DACH1: variants seen among roughly 807,000 people sequenced by gnomAD.
The protein encoded by DACH1 is dachshund homolog 1.
In DACH1, 12 loss-of-function variants were observed where a neutral mutation model predicts 54.2. The observed-to-expected ratio is 0.22, with a 90% CI of 0.14 to 0.36. The LOEUF (loss-of-function observed/expected upper bound fraction) is 0.36. Among genes scored for constraint, DACH1 ranks in the 10% least tolerant of loss-of-function variants. The probability of loss-of-function intolerance (pLI) is 1.00; values close to 1 mark genes in which losing one functional copy is unlikely to be tolerated. For synonymous variants in DACH1, 386 were observed against 366.2 expected (o/e 1.05, Z -0.62); for missense variants, 805 against 929.8 (o/e 0.87, Z 1.75).
chr13:71,766,979 T>A (rs1438950630), intron 1 of DACH1, among the ~76,000 whole-genome samples: 1 of 152,082 alleles, frequency 6.6e-6, no homozygotes, highest in Non-Finnish European at 1.5e-5. Flanking sequence ...GAGGTCTTGT[T>A]TTCCTAGTTA....
At chr13:71,496,306 TACACACACAAAAAGATATGCAAC>T (rs1879428844) in intron 6 of DACH1, among the ~76,000 whole-genome samples, 43 of 46,072 alleles carry the variant, frequency 9.3e-4, no homozygotes, top group East Asian at 2.4e-3. Context: ...TATATATATA[TACACACACAAAAAGATATGCAAC>T]ATATATATAT....
chr13:71,798,909 G>A (rs976044196), intron 1 of DACH1, among the ~76,000 whole-genome samples: 3 of 151,876 alleles, frequency 2.0e-5, no homozygotes, highest in Admixed American at 6.6e-5. Context: ...ATGAAACTTC[G>A]CTCCCCCAGG....
chr13:71,781,390 A>ATTTT (rs1555322402), intron 1 of DACH1, among the ~76,000 whole-genome samples: 2 of 126,060 alleles, frequency 1.6e-5, no homozygotes, highest in African/African-American at 5.9e-5. Context: ...TTATTTATTT[A>ATTTT]TTTTTTGAGA....
In DACH1 at chr13:71,608,659, T is replaced by C. The variant is rs544815735; in HGVS notation, c.1126+21897A>G. 4.8e-3 allele frequency among the ~76,000 whole-genome samples: 725 copies of C among 152,274 alleles called. 6 individuals are homozygous for C. Among genetic ancestry groups the C allele is most frequent in the South Asian group, 0.018 (88 of 4,828 alleles). The stretch of plus-strand genomic sequence containing the variant: ...TTTGGAATATGGTATATCTGTTCAC[T>C]TATAATTAATCCTAAAACTAAATTA... On this transcript the variant is annotated intron_variant, in intron 3 of 10. Coordinates refer to ENST00000613252, the MANE Select transcript of DACH1 (RefSeq NM_080759.6).
rs151020507 is a variant in DACH1, at chr13:71,761,259, G to A, written c.849-79349C>T. Among the ~76,000 whole-genome samples, 1,345 of 152,010 alleles carry A rather than the reference G, an allele frequency of 8.8e-3. 17 individuals carry two copies. The highest frequency in any genetic ancestry group is 0.028 in the African/African-American group (1,174 of 41,442). On this transcript the variant is annotated intron_variant, in intron 1 of 10. Coordinates refer to ENST00000613252, the MANE Select transcript of DACH1 (RefSeq NM_080759.6). ...CTTTATCCTTCTTATTAAATATCCC[G>A]GTAGTAGTCATTATATTTTCACACT...
At chr13:71,539,709 G>T (rs550465836) in intron 6 of DACH1, among the ~76,000 whole-genome samples, 23 of 152,074 alleles carry the variant, frequency 1.5e-4, no homozygotes, top group African/African-American at 5.5e-4. Flanking sequence ...GTAAAATAGA[G>T]AAAGTAAATT....
At chr13:71,679,420 C>T (rs753590210) in intron 2 of DACH1, among the ~76,000 whole-genome samples, 1 of 152,028 alleles carries the variant, frequency 6.6e-6, no homozygotes, top group African/African-American at 2.4e-5. Flanking sequence ...TGGTAATGAA[C>T]TATGTATCAT....
chr13:71,526,407 A>T (rs1208163266), intron 6 of DACH1, among the ~76,000 whole-genome samples: 2 of 152,070 alleles, frequency 1.3e-5, no homozygotes, highest in Non-Finnish European at 2.9e-5. Flanking sequence ...ATAATTGTTG[A>T]CCTATTTCCT....
intron 10 of DACH1, among the ~76,000 whole-genome samples, chr13:71,447,387 G>A (rs1874560318): frequency 6.6e-6 from 1 of 151,816 alleles, no homozygotes; most frequent in Non-Finnish European, 1.5e-5. Flanking sequence ...TTTAATGTTT[G>A]GTTTAATATT....
chr13:71,486,908 A>G (rs1878578897), intron 7 of DACH1, among the ~76,000 whole-genome samples: 1 of 151,914 alleles, frequency 6.6e-6, no homozygotes, highest in Non-Finnish European at 1.5e-5. Context: ...GTGGTGGCAC[A>G]GTCTCAGCTC....
chr13:71,474,255 G>A (rs1416438384), intron 10 of DACH1, among the ~76,000 whole-genome samples: 1 of 152,052 alleles, frequency 6.6e-6, no homozygotes, highest in Non-Finnish European at 1.5e-5. Context: ...TTTACACTAA[G>A]CCAAGAATGA....
chr13:71,514,424 G>C (rs987161698), intron 6 of DACH1, among the ~76,000 whole-genome samples: 1 of 151,692 alleles, frequency 6.6e-6, no homozygotes, highest in African/African-American at 2.4e-5. Context: ...ATATAAAAAA[G>C]AATGAATTAA....
At chr13:71,740,713 T>C (rs762994421) in intron 1 of DACH1, among the ~76,000 whole-genome samples, 17 of 152,284 alleles carry the variant, frequency 1.1e-4, no homozygotes, top group Middle Eastern at 3.4e-3. Flanking sequence ...TAATATCTCA[T>C]AGCAGTTACT....
chr13:71,685,039 G>T (rs1487363338), intron 1 of DACH1, among the ~76,000 whole-genome samples: 1 of 152,168 alleles, frequency 6.6e-6, no homozygotes, highest in Non-Finnish European at 1.5e-5. Flanking sequence ...GATTTGAAAT[G>T]TATAGCCCTT....
intron 1 of DACH1, among the ~76,000 whole-genome samples, chr13:71,737,562 A>G (rs1401119811): frequency 6.6e-6 from 1 of 152,222 alleles, no homozygotes; most frequent in Non-Finnish European, 1.5e-5. Flanking sequence ...ACTAAGCCTT[A>G]AATTTTAAAA....
At chr13:71,818,634 A>G (rs1007211747) in intron 1 of DACH1, among the ~76,000 whole-genome samples, 1 of 152,192 alleles carries the variant, frequency 6.6e-6, no homozygotes, top group African/African-American at 2.4e-5. Context: ...CTACTCTTGC[A>G]CTGCCCAGTC....
Position 71,630,717 on chromosome 13 carries a change from C to T in DACH1, c.965G>A (p.Gly322Asp). The T allele has an allele frequency of 6.4e-7, 1 of 1,561,100 alleles. No homozygotes were observed. The highest frequency in any genetic ancestry group is 2.2e-5 in the Admixed American group (1 of 45,484). Reference protein sequence around the residue: ...LMSPGIIPPTGLTAAAAAAAA... With the variant: ...LMSPGIIPPTDLTAAAAAAAA... Reference sequence around the variant, plus strand: ...AGCTGCTGCAGCGGCTGCTGTCAGACCTTAAAAGAATAAATTAAAAATGAG... The same window carrying T: ...AGCTGCTGCAGCGGCTGCTGTCAGATCTTAAAAGAATAAATTAAAAATGAG... Residue 322 changes from glycine to aspartate, a missense_variant and splice_region_variant, in exon 3 of 11, where the codon GGT (glycine) becomes GAT (aspartate). This residue lies in a region of DACH1 where 472 missense variants were observed against 545.3 expected (regional missense o/e 0.87). Transcript: ENST00000613252.
chr13:71,738,501 G>T (rs1045388199), intron 1 of DACH1, among the ~76,000 whole-genome samples: 2 of 151,962 alleles, frequency 1.3e-5, no homozygotes, highest in East Asian at 3.9e-4. Flanking sequence ...GGAGGCCGAG[G>T]TGGGAGGATC....
intron 10 of DACH1, among the ~76,000 whole-genome samples, chr13:71,447,142 G>A (rs751726799): frequency 1.2e-4 from 18 of 152,248 alleles, no homozygotes; most frequent in South Asian, 8.3e-4. Flanking sequence ...TTTATTGTGC[G>A]TGTGAATTTT....
Sources: gnomAD v4.1 joint callset for allele counts (sites outside exome capture counted in the v4.1 genomes callset) on GRCh38, gnomAD v4.1.1 for gene constraint, gnomAD v4.1.1 regional missense constraint, MANE v1.5 for transcripts, NCBI Gene and HGNC (gene_info 2026-07-23, HGNC 2026-07-21) for gene names.